The following SNX29 variants were observed in gnomAD, a reference collection of about 807,000 sequenced individuals.
SNX29 encodes sorting nexin 29.
Under a neutral mutation model 102.1 loss-of-function variants are expected in SNX29, and 78 were observed. The observed-to-expected ratio is 0.76, with a 90% confidence interval of 0.64 to 0.92. The LOEUF is 0.92. Among genes scored for constraint, SNX29 ranks in the 40% least tolerant of loss-of-function variants. SNX29 has a pLI of 0.00. For synonymous variants in SNX29, 580 were observed against 414.5 expected, an observed-to-expected ratio of 1.40 and a Z score of -4.85; for missense variants, 1,280 against 1,061.7, an observed-to-expected ratio of 1.21 and a Z score of -2.86.
intron 15 of SNX29, among the ~76,000 whole-genome samples, chr16:12,326,909 G>T (rs1029051939): frequency 6.6e-6 from 1 of 152,168 alleles, no homozygotes; most frequent in Non-Finnish European, 1.5e-5. Flanking sequence ...GCCAAGGTCC[G>T]AGGCATTTGG....
rs1452150700 is a variant in SNX29, at chr16:12,106,842, G to T, written c.1403-19791G>T. The stretch of plus-strand genomic sequence containing the variant: ...TGCTTCCTTTTTTTTTTGAGACCGG[G>T]TCTCACTCTGTCACCCAGGCTGCAG... On this transcript the variant is annotated intron_variant, in intron 11 of 20. Transcript: ENST00000566228. Among the ~76,000 whole-genome samples the T allele has an allele frequency of 4.0e-5, 6 of 151,368 alleles. No individual in the cohort carries two copies. The East Asian group carries it at 1.2e-3, about 29-fold the overall frequency.
intron 15 of SNX29, among the ~76,000 whole-genome samples, chr16:12,292,365 G>T (rs2079827341): frequency 6.6e-6 from 1 of 152,178 alleles, no homozygotes; most frequent in Admixed American, 6.5e-5. Flanking sequence ...TCTGAAAGTG[G>T]TAGGATTGGA....
chr16:12,172,982 T>G (rs2076181927), intron 13 of SNX29, among the ~76,000 whole-genome samples: 1 of 152,188 alleles, frequency 6.6e-6, no homozygotes, highest in African/African-American at 2.4e-5. Flanking sequence ...AAACGTTTAT[T>G]TGGGAAGCAA....
chr16:12,066,185 AG>A (rs2051028913), intron 9 of SNX29, among the ~76,000 whole-genome samples: 2 of 152,188 alleles, frequency 1.3e-5, no homozygotes, highest in African/African-American at 4.8e-5. Flanking sequence ...TCTTTGCTTC[AG>A]GGAATGTAGT....
chr16:12,568,124 G>C (rs545421987), intron 20 of SNX29, among the ~76,000 whole-genome samples: 2 of 152,254 alleles, frequency 1.3e-5, no homozygotes, highest in South Asian at 4.1e-4. Flanking sequence ...GCTTTATGTA[G>C]TGTTCTCCAA....
At chr16:12,356,049 A>G (rs1314119776) in intron 15 of SNX29, 114 bp from the exon 16 acceptor site, 4 of 897,716 alleles carry the variant, frequency 4.5e-6, no homozygotes, top group East Asian at 5.5e-5. Flanking sequence ...TCCAGCCCCA[A>G]CAGCCTACAG....
intron 18 of SNX29, among the ~76,000 whole-genome samples, chr16:12,476,424 A>ATATATATATACATG (rs1597522627): frequency 1.0e-4 from 9 of 89,662 alleles, no homozygotes; most frequent in South Asian, 4.4e-4. Context: ...ATATATATAT[A>ATATATATATACATG]TATATATATA....
intron 15 of SNX29, among the ~76,000 whole-genome samples, chr16:12,303,041 A>G (rs1267968727): frequency 2.0e-5 from 3 of 152,228 alleles, no homozygotes; most frequent in Non-Finnish European, 2.9e-5. Flanking sequence ...TCTTGAAGTA[A>G]GCTAGATAAA....
chr16:12,552,970 G>T (rs2078080270), intron 20 of SNX29, among the ~76,000 whole-genome samples: 1 of 152,256 alleles, frequency 6.6e-6, no homozygotes, highest in African/African-American at 2.4e-5. Flanking sequence ...ATTGTATTGA[G>T]TGCAGCAGGC....
intron 15 of SNX29, among the ~76,000 whole-genome samples, chr16:12,354,014 A>G (rs2082063552): frequency 6.6e-6 from 1 of 152,234 alleles, no homozygotes; most frequent in African/African-American, 2.4e-5. Flanking sequence ...TAAAAATTCC[A>G]AGAGGCAGTG....
chr16:12,191,504 G>A (rs1293277952), intron 13 of SNX29, among the ~76,000 whole-genome samples: 1 of 152,128 alleles, frequency 6.6e-6, no homozygotes, highest in Non-Finnish European at 1.5e-5. Context: ...ACTCAGTGCT[G>A]GACAGGTGGT....
In SNX29 at chr16:12,342,967, G is replaced by T. The variant is rs80311912; in HGVS notation, c.1783-13196G>T. Among the ~76,000 whole-genome samples the T allele has an allele frequency of 1.6e-3, 245 of 152,310 alleles. 1 individual carries two copies. The highest frequency in any genetic ancestry group is 5.8e-3 in the African/African-American group (239 of 41,560). ...GAAGGAGGCTCTTGGCAGCTTTACGGGAGTGCTGTTGGGTGTGAGAAAGAG... is the reference window on the plus strand; with the variant it reads ...GAAGGAGGCTCTTGGCAGCTTTACGTGAGTGCTGTTGGGTGTGAGAAAGAG... On this transcript the variant is annotated intron_variant, in intron 15 of 20. Coordinates refer to ENST00000566228, the MANE Select transcript of SNX29 (RefSeq NM_032167.5).
chr16:12,133,566 CAGGCATG>C (rs746433071), intron 13 of SNX29, among the ~76,000 whole-genome samples: 6 of 152,140 alleles, frequency 3.9e-5, no homozygotes, highest in Non-Finnish European at 8.8e-5. Context: ...GCTAGGATTA[CAGGCATG>C]AGCCACTGCT....
At chr16:12,399,837 G>A (rs768303709) in intron 17 of SNX29, among the ~76,000 whole-genome samples, 1 of 152,106 alleles carries the variant, frequency 6.6e-6, no homozygotes, top group Non-Finnish European at 1.5e-5. Flanking sequence ...TTGTGGGCAG[G>A]GGGAGCATGG....
chr16:12,572,365 C>T lies in SNX29; in HGVS notation c.*3736C>T. On this transcript the variant is annotated 3_prime_UTR_variant, in exon 21 of 21. Coordinates refer to ENST00000566228, the MANE Select transcript of SNX29 (RefSeq NM_032167.5). ...CCTGGTTGATGGACAGCAGGCTCTG[C>T]CTTCTGGAGGCGGCTTATATCCCAA... The T allele has an allele frequency of 1.9e-6, 2 of 1,062,944 alleles. No homozygotes were observed. Among genetic ancestry groups the T allele is most frequent in the Non-Finnish European group, 2.3e-6 (2 of 877,736 alleles). The allele number at this position is 1,062,944 out of a possible 1,614,324, so 65.8% of individuals were successfully genotyped here.
intron 15 of SNX29, among the ~76,000 whole-genome samples, chr16:12,349,746 G>C (rs1375969500): frequency 1.3e-5 from 2 of 151,992 alleles, no homozygotes; most frequent in Non-Finnish European, 2.9e-5. Context: ...CAACTCTCTT[G>C]AATTTTATCC....
intron 19 of SNX29, among the ~76,000 whole-genome samples, chr16:12,504,764 T>C (rs2089296878): frequency 6.6e-6 from 1 of 152,238 alleles, no homozygotes; most frequent in Non-Finnish European, 1.5e-5. Flanking sequence ...CATAAGTATG[T>C]ATGTATAGGA....
intron 19 of SNX29, among the ~76,000 whole-genome samples, chr16:12,516,460 A>G (rs770982667): frequency 6.2e-4 from 85 of 136,702 alleles, no homozygotes; most frequent in Admixed American, 9.8e-4. Flanking sequence ...AGTCTTGGCA[A>G]CAGAGAGATA....
intron 15 of SNX29, among the ~76,000 whole-genome samples, chr16:12,350,925 T>G (rs1009005253): frequency 6.6e-6 from 1 of 152,184 alleles, no homozygotes; most frequent in African/African-American, 2.4e-5. Context: ...GAGTCTAAAC[T>G]ATGTCACTTC....
Sources: allele counts gnomAD v4.1 joint callset (sites outside exome capture counted in the v4.1 genomes callset), GRCh38; gene constraint gnomAD v4.1.1; transcripts MANE v1.5; gene names NCBI Gene and HGNC (gene_info 2026-07-23, HGNC 2026-07-21).